The following CRTAC1 variants were observed in gnomAD, a reference collection of about 807,000 sequenced individuals.
The protein encoded by CRTAC1 is acidic secreted protein in cartilage.
Under a neutral mutation model 67.8 loss-of-function variants are expected in CRTAC1, and 37 were observed. That is an observed-to-expected ratio of 0.55 (90% CI 0.42 to 0.72). The LOEUF (loss-of-function observed/expected upper bound fraction) is 0.72, where lower values mean the gene tolerates loss of function less well. CRTAC1 is among the 30% of genes least tolerant of loss of function. The probability of loss-of-function intolerance (pLI) is 0.00; values close to 1 mark genes in which losing one functional copy is unlikely to be tolerated. For synonymous variants in CRTAC1, 348 were observed against 371.0 expected, an observed-to-expected ratio of 0.94 and a Z score of 0.71; for missense variants, 780 against 931.6, an observed-to-expected ratio of 0.84 and a Z score of 2.12.
chr10:97,924,236 G>C (rs940229016), intron 3 of CRTAC1, among the ~76,000 whole-genome samples: 6 of 152,186 alleles, frequency 3.9e-5, no homozygotes, highest in Non-Finnish European at 8.8e-5. Context: ...GTGACCACTT[G>C]AAAGGCAGAG....
At chr10:97,919,482 A>T (rs2050805678) in intron 4 of CRTAC1, among the ~76,000 whole-genome samples, 1 of 152,204 alleles carries the variant, frequency 6.6e-6, no homozygotes, top group Non-Finnish European at 1.5e-5. Context: ...GTGTCAAGGG[A>T]TGAAGCTGGA....
chr10:97,899,176 A>C (rs2477672), intron 8 of CRTAC1, among the ~76,000 whole-genome samples: 149,048 of 152,288 alleles, frequency 0.98, 72,931 homozygotes, highest in East Asian at 1. Flanking sequence ...CCAGTCCCAG[A>C]TGCAGCCCCT....
chr10:97,905,502 C>T (rs1428565030), intron 6 of CRTAC1, among the ~76,000 whole-genome samples: 1 of 152,220 alleles, frequency 6.6e-6, no homozygotes, highest in Non-Finnish European at 1.5e-5. Flanking sequence ...TCCCTGACAG[C>T]CTCTTAGTCT....
chr10:97,952,468 A>T (rs1214286447), intron 2 of CRTAC1, among the ~76,000 whole-genome samples: 1 of 144,892 alleles, frequency 6.9e-6, no homozygotes, highest in Non-Finnish European at 1.5e-5. Flanking sequence ...AACCTGGGAG[A>T]TGGAGGTTGT....
At chr10:98,024,826 T>C (rs1843194906) in intron 1 of CRTAC1, among the ~76,000 whole-genome samples, 2 of 120,530 alleles carry the variant, frequency 1.7e-5, no homozygotes, top group South Asian at 3.0e-4. Context: ...CACACACTCA[T>C]AGAGAGGCAT....
At chr10:97,866,017 C>T in intron 14 of CRTAC1, 1 of 369,484 alleles carries the variant, frequency 2.7e-6, no homozygotes, top group Non-Finnish European at 4.9e-6. Flanking sequence ...CGGCCCCTCT[C>T]TTCCACAGCC....
At position 97,879,558 on chromosome 10, in the gene CRTAC1, T is replaced by C. The variant is rs991641997; in HGVS notation, c.1819+691A>G. ...TTTTCAAAGATGGCCACCCCTGTTG[T>C]CCATTCAGAGGGAGCACACAGCAGA... On this transcript the variant is annotated intron_variant, in intron 14 of 14. Coordinates refer to ENST00000370597, the MANE Select transcript of CRTAC1 (RefSeq NM_018058.7). The C allele has an allele frequency of 9.8e-6, 12 of 1,226,562 alleles. No homozygotes were observed. The Admixed American group carries it at 3.7e-4, about 38-fold the overall frequency. The allele number at this position is 1,226,562 out of a possible 1,614,324, so 76.0% of individuals were successfully genotyped here.
intron 1 of CRTAC1, among the ~76,000 whole-genome samples, chr10:98,024,491 T>C (rs1437775090): frequency 1.3e-5 from 2 of 152,118 alleles, no homozygotes; most frequent in East Asian, 3.9e-4. Context: ...TCACCCTTTC[T>C]TGGAGGGAGG....
chr10:97,982,250 G>A (rs539035693), intron 2 of CRTAC1, among the ~76,000 whole-genome samples: 7 of 152,266 alleles, frequency 4.6e-5, no homozygotes, highest in South Asian at 2.1e-4. Flanking sequence ...TCTATGATGC[G>A]GTCTAGGCAG....
At chr10:97,871,159 C>T (rs1048597671) in intron 14 of CRTAC1, 2 of 152,202 alleles carry the variant, frequency 1.3e-5, no homozygotes, top group African/African-American at 2.4e-5. Context: ...CTGCACCAAG[C>T]TCACAACTCT....
intron 1 of CRTAC1, among the ~76,000 whole-genome samples, chr10:98,012,066 C>T (rs895158345): frequency 1.3e-5 from 2 of 152,164 alleles, no homozygotes; most frequent in African/African-American, 4.8e-5. Context: ...CACCTCCAGA[C>T]CAAGAAGCAG....
chr10:97,938,679 C>T (rs950793004), intron 2 of CRTAC1, among the ~76,000 whole-genome samples: 3 of 152,104 alleles, frequency 2.0e-5, no homozygotes, highest in African/African-American at 4.8e-5. Context: ...ATGCAGATGG[C>T]GAAGATTATG....
At chr10:97,894,045 A>T (rs186204002) in intron 11 of CRTAC1, among the ~76,000 whole-genome samples, 104 of 152,362 alleles carry the variant, frequency 6.8e-4, no homozygotes, top group African/African-American at 2.4e-3. Context: ...GTATAAAGAT[A>T]CTATGAACAA....
intron 2 of CRTAC1, among the ~76,000 whole-genome samples, chr10:97,993,103 T>G (rs995826249): frequency 1.3e-5 from 2 of 152,152 alleles, no homozygotes; most frequent in African/African-American, 4.8e-5. Flanking sequence ...TGGTTAGTGG[T>G]GCATTTTGAG....
At chr10:97,958,185 T>G (rs1299396659) in intron 2 of CRTAC1, among the ~76,000 whole-genome samples, 1 of 152,196 alleles carries the variant, frequency 6.6e-6, no homozygotes, top group Non-Finnish European at 1.5e-5. Flanking sequence ...AGTAACCTCC[T>G]GGCTCCCTCA....
chr10:97,982,905 CT>C (rs1212760266), intron 2 of CRTAC1, among the ~76,000 whole-genome samples: 6 of 152,126 alleles, frequency 3.9e-5, no homozygotes, highest in Non-Finnish European at 8.8e-5. Context: ...TAACAAACAG[CT>C]TTTTAATTTT....
At chr10:97,999,720 G>A (rs2136682157) in intron 2 of CRTAC1, among the ~76,000 whole-genome samples, 1 of 152,320 alleles carries the variant, frequency 6.6e-6, no homozygotes, top group East Asian at 1.9e-4. Context: ...AACTTGTGGT[G>A]CCTTTTCTGG....
intron 2 of CRTAC1, among the ~76,000 whole-genome samples, chr10:97,991,768 T>C (rs1311904313): frequency 6.6e-6 from 1 of 152,226 alleles, no homozygotes; most frequent in Non-Finnish European, 1.5e-5. Context: ...AATGAACTTG[T>C]CTTCTTTTTA....
intron 2 of CRTAC1, among the ~76,000 whole-genome samples, chr10:97,995,551 AC>A (rs1226590901): frequency 1.3e-5 from 2 of 152,126 alleles, no homozygotes; most frequent in Non-Finnish European, 2.9e-5. Context: ...GAAGGACCCT[AC>A]CACTACAGAA....
Sources: allele counts gnomAD v4.1 joint callset (sites outside exome capture counted in the v4.1 genomes callset), GRCh38; gene constraint gnomAD v4.1.1; transcripts MANE v1.5; gene names NCBI Gene and HGNC (gene_info 2026-07-23, HGNC 2026-07-21).